ANO4: variants seen among roughly 807,000 people sequenced by gnomAD.
ANO4 encodes the protein anoctamin 4.
ANO4 carries 69 observed loss-of-function variants against 141.9 expected under a neutral mutation model. The ratio of observed to expected loss-of-function variants is 0.49; its 90% confidence interval spans 0.40 to 0.59. ANO4 has a LOEUF of 0.59. Ranked by LOEUF, ANO4 falls within the 20% of genes least tolerant of loss-of-function variation. The probability of loss-of-function intolerance (pLI) is 0.00; values close to 1 mark genes in which losing one functional copy is unlikely to be tolerated. For missense variants in ANO4, 894 were observed against 1,162.2 expected (o/e 0.77, Z 3.36); for synonymous variants, 350 against 394.3 (o/e 0.89, Z 1.33).
intron 1 of ANO4, among the ~76,000 whole-genome samples, chr12:100,838,479 C>G (rs979204174): frequency 6.6e-6 from 1 of 152,026 alleles, no homozygotes. Context: ...AATAAGAAGT[C>G]CACAGGGCCT....
intron 22 of ANO4, among the ~76,000 whole-genome samples, chr12:101,103,203 A>ATATATC (rs2050273142): frequency 1.3e-5 from 1 of 77,918 alleles, no homozygotes; most frequent in Non-Finnish European, 3.2e-5. Context: ...ATATATATAT[A>ATATATC]TATATATATA....
At chr12:100,846,566 A>C (rs2037569167) in intron 1 of ANO4, among the ~76,000 whole-genome samples, 1 of 152,170 alleles carries the variant, frequency 6.6e-6, no homozygotes. Context: ...AAATGGATCT[A>C]GTGCCACAGA....
chr12:100,979,526 G>A (rs1415945308), intron 7 of ANO4, among the ~76,000 whole-genome samples: 1 of 152,078 alleles, frequency 6.6e-6, no homozygotes, highest in Admixed American at 6.6e-5. Flanking sequence ...AGGGCTGGAT[G>A]AATCAGAGGC....
chr12:101,043,740 T>C (rs928398824), intron 13 of ANO4, 105 bp downstream of exon 13: 8 of 814,254 alleles, frequency 9.8e-6, no homozygotes, highest in Non-Finnish European at 1.6e-5. Context: ...GATTTTCAAG[T>C]GAATGTTGTA....
At chr12:100,752,513 G>T (rs1335582496) in intron 3 of ANO4, among the ~76,000 whole-genome samples, 1 of 152,072 alleles carries the variant, frequency 6.6e-6, no homozygotes, top group Non-Finnish European at 1.5e-5. Context: ...TGCTTACGAA[G>T]GAATTGCAAC....
chr12:100,733,498 A>C (rs1443375306), intron 1 of ANO4, among the ~76,000 whole-genome samples: 2 of 152,178 alleles, frequency 1.3e-5, no homozygotes, highest in Non-Finnish European at 2.9e-5. Flanking sequence ...CTGCCCAAGC[A>C]CCCTTCACTC....
intron 3 of ANO4, among the ~76,000 whole-genome samples, chr12:100,937,672 C>G (rs1325650112): frequency 6.6e-6 from 1 of 152,060 alleles, no homozygotes; most frequent in South Asian, 2.1e-4. Flanking sequence ...GCTTAGTGGC[C>G]TCAAACAATA....
At chr12:100,795,772 T>G (rs1442613856) in intron 1 of ANO4, among the ~76,000 whole-genome samples, 1 of 152,182 alleles carries the variant, frequency 6.6e-6, no homozygotes, top group Non-Finnish European at 1.5e-5. Context: ...GGAGATAAAA[T>G]ACTTTGAGGT....
At chr12:100,757,728 T>C (rs886898688) in intron 3 of ANO4, among the ~76,000 whole-genome samples, 15 of 152,246 alleles carry the variant, frequency 9.9e-5, no homozygotes, top group African/African-American at 3.6e-4. Flanking sequence ...TTTGTTCTTC[T>C]TTATAAAATG....
In ANO4 at chr12:100,939,359, A is replaced by G. The variant is rs747696163; in HGVS notation, c.205A>G (p.Ser69Gly). 18 of 1,613,692 alleles carry G rather than the reference A, an allele frequency of 1.1e-5. No homozygotes were observed. Among genetic ancestry groups the G allele is most frequent in the Admixed American group, 1.7e-5 (1 of 60,014 alleles). Residue 69 changes from serine (S) to glycine (G), a missense_variant, in exon 4 of 28, where the codon AGC becomes GGC. This residue lies in a region of ANO4 where 257 missense variants were observed against 253.0 expected (regional missense o/e 1.02). Transcript: ENST00000392977. ...TCTTTTTGATGAATTAGAAGCTGTC[A>G]GCAGTCCTTGCAAAGATGACGATTC... ...NILFDELEAV[S>G]SPCKDDDSLL... is the part of the protein sequence containing the mutation.
chr12:100,852,908 A>G (rs1256801116), intron 1 of ANO4, among the ~76,000 whole-genome samples: 1 of 152,224 alleles, frequency 6.6e-6, no homozygotes, highest in African/African-American at 2.4e-5. Flanking sequence ...ATAACACTCA[A>G]AGTTAGCAAG....
chr12:100,869,642 C>T (rs1044786730), intron 1 of ANO4, among the ~76,000 whole-genome samples: 10 of 152,146 alleles, frequency 6.6e-5, no homozygotes, highest in Non-Finnish European at 1.2e-4. Flanking sequence ...CCATATCTGC[C>T]GTGGGACTCT....
At position 101,037,143 on chromosome 12, in the gene ANO4, T is replaced by C; in HGVS notation, c.890T>C (p.Leu297Pro). The C allele has an allele frequency of 1.9e-6, 3 of 1,614,012 alleles. No individual in the cohort carries two copies. The highest frequency in any genetic ancestry group is 1.6e-4 in the Middle Eastern group (1 of 6,062). Residue 297 changes from leucine to proline, a missense_variant, in exon 10 of 28, where the codon CTG becomes CCG. Transcript: ENST00000392977. The part of the protein sequence containing the change: ...TNGSYEAAFP[L>P]HEGSYRSKNS... ...GGCTCCTATGAAGCTGCGTTTCCCCTGCATGAGGTATTGTGCTGTCTTTAA... is the reference window on the plus strand; with the variant it reads ...GGCTCCTATGAAGCTGCGTTTCCCCCGCATGAGGTATTGTGCTGTCTTTAA...
chr12:100,935,589 C>T (rs2136152595), intron 3 of ANO4, among the ~76,000 whole-genome samples: 1 of 152,254 alleles, frequency 6.6e-6, no homozygotes, highest in South Asian at 2.1e-4. Context: ...TCACAAATGA[C>T]CCTGTTTGGA....
At chr12:100,941,604 G>C (rs181681802) in intron 4 of ANO4, among the ~76,000 whole-genome samples, 7 of 152,160 alleles carry the variant, frequency 4.6e-5, no homozygotes, top group Admixed American at 3.3e-4. Flanking sequence ...CATTTGAGTT[G>C]ACTCCAACTT....
intron 17 of ANO4, 152 bp from the exon 18 acceptor site, chr12:101,094,104 T>G: frequency 6.5e-6 from 4 of 613,294 alleles, no homozygotes; most frequent in Non-Finnish European, 8.5e-6. Context: ...TCCAAGAGTC[T>G]GAGATTTCTA....
At chr12:100,833,474 G>A (rs1444298156) in intron 1 of ANO4, among the ~76,000 whole-genome samples, 1 of 152,050 alleles carries the variant, frequency 6.6e-6, no homozygotes, top group Non-Finnish European at 1.5e-5. Context: ...TCATAGTCAG[G>A]ATGAATAGTC....
intron 25 of ANO4, 54 bp from the exon 26 acceptor site, chr12:101,120,466 T>A: frequency 1.4e-6 from 2 of 1,473,156 alleles, no homozygotes; most frequent in Non-Finnish European, 1.9e-6. Flanking sequence ...TGGAAGAGAT[T>A]TGAGAATCAG....
intron 8 of ANO4, among the ~76,000 whole-genome samples, chr12:101,017,435 C>T (rs1296627626): frequency 6.6e-6 from 1 of 152,160 alleles, no homozygotes; most frequent in Non-Finnish European, 1.5e-5. Flanking sequence ...CCATATCAAG[C>T]ACCACACTGC....
Sources: allele counts gnomAD v4.1 joint callset (sites outside exome capture counted in the v4.1 genomes callset), GRCh38; gene constraint gnomAD v4.1.1; regional missense constraint gnomAD v4.1.1; transcripts MANE v1.5; gene names NCBI Gene and HGNC (gene_info 2026-07-23, HGNC 2026-07-21).